SLC47A2: variants seen among roughly 807,000 people sequenced by gnomAD.
SLC47A2 encodes the protein multidrug and toxin extrusion protein 2.
SLC47A2 carries 52 observed loss-of-function variants against 67.7 expected under a neutral mutation model. The ratio of observed to expected loss-of-function variants is 0.77; its 90% CI spans 0.61 to 0.97. SLC47A2 has a LOEUF of 0.97. SLC47A2 is among the 50% of genes least tolerant of loss of function. The probability of loss-of-function intolerance (pLI) is 0.00; values close to 1 mark genes in which losing one functional copy is unlikely to be tolerated. For synonymous variants in SLC47A2, 278 were observed against 292.9 expected (o/e 0.95, Z 0.52); for missense variants, 676 against 712.3 (o/e 0.95, Z 0.58).
intron 13 of SLC47A2, among the ~76,000 whole-genome samples, chr17:19,694,982 A>T (rs970687383): frequency 6.6e-6 from 1 of 152,088 alleles, no homozygotes; most frequent in African/African-American, 2.4e-5. Flanking sequence ...CTTTTTAAAG[A>T]AAACAGAGGA....
chr17:19,707,929 GC>G, intron 7 of SLC47A2, 86 bp from the exon 8 acceptor site: 15 of 1,265,330 alleles, frequency 1.2e-5, no homozygotes, highest in Non-Finnish European at 1.7e-5. Flanking sequence ...CTGGCGGCCA[GC>G]CCGTGTGGGG....
At chr17:19,698,204 A>G (rs1567624177) in intron 13 of SLC47A2, among the ~76,000 whole-genome samples, 1 of 152,324 alleles carries the variant, frequency 6.6e-6, no homozygotes, top group East Asian at 1.9e-4. Flanking sequence ...GAATTACTAT[A>G]AAGCTGCAGT....
chr17:19,685,592 C>T lies in SLC47A2; in HGVS notation c.1165-3922G>A, dbSNP rs2085411446. Among the ~76,000 whole-genome samples, 1 of 152,182 alleles carries T rather than the reference C, an allele frequency of 6.6e-6. No homozygotes were observed. The highest frequency in any genetic ancestry group is 1.5e-5 in the Non-Finnish European group (1 of 68,028). On this transcript the variant is annotated intron_variant, in intron 13 of 16. Coordinates refer to ENST00000433844, the MANE Select transcript of SLC47A2 (RefSeq NM_001099646.3). This position sits in a 1 kb window ranked among gnomAD's most constrained non-coding sequence, Gnocchi z 4.5. ...CAAGATGTGCTTTGTTAAACAGATG[C>T]TTGAAGGCAGCATGCTCATTAAGAG...
chr17:19,714,479 A>G (rs1172833099), intron 3 of SLC47A2: 3 of 583,606 alleles, frequency 5.1e-6, no homozygotes, highest in Non-Finnish European at 9.2e-6. Context: ...TCTGGGGGCA[A>G]GAGATCAGAG....
intron 13 of SLC47A2, among the ~76,000 whole-genome samples, chr17:19,684,416 C>CTT (rs1039908292): frequency 1.3e-5 from 2 of 152,022 alleles, no homozygotes; most frequent in African/African-American, 4.8e-5. Context: ...TTAGATGCAA[C>CTT]TAAGGCAATG....
At chr17:19,716,627 C>G (rs566505112), upstream of SLC47A2, 26 of 1,483,470 alleles carry the variant, frequency 1.8e-5, no homozygotes, top group South Asian at 3.4e-4. Flanking sequence ...CGAGCCACCC[C>G]CTGCCTGGGC....
chr17:19,715,389 G>A (rs989167728), intron 1 of SLC47A2, among the ~76,000 whole-genome samples, 172 bp from the exon 2 acceptor site: 2 of 152,124 alleles, frequency 1.3e-5, no homozygotes, highest in African/African-American at 2.4e-5. Context: ...CCCATTCTGC[G>A]TTCTGCAGCT....
chr17:19,704,044 GC>G, intron 11 of SLC47A2, 25 bp downstream of exon 11: 5 of 1,562,736 alleles, frequency 3.2e-6, no homozygotes, highest in Non-Finnish European at 4.3e-6. Flanking sequence ...ACGTTTGAAG[GC>G]CCACCAGGAG....
At chr17:19,692,227 CAA>C (rs11313767) in intron 13 of SLC47A2, 23,473 of 353,370 alleles carry the variant, frequency 0.066, 1 homozygote, top group East Asian at 0.11. Context: ...GACTCCATGT[CAA>C]AAAAAAAAAA....
At chr17:19,708,508 C>A in intron 6 of SLC47A2, 109 bp from the exon 7 acceptor site, 1 of 1,613,928 alleles carries the variant, frequency 6.2e-7, no homozygotes, top group Non-Finnish European at 8.5e-7. Context: ...TCAGCCATCC[C>A]TGTTGAGGAG....
At chr17:19,702,789 G>T in intron 12 of SLC47A2, 115 bp from the exon 13 acceptor site, 2 of 1,195,796 alleles carry the variant, frequency 1.7e-6, no homozygotes, top group Non-Finnish European at 2.4e-6. Context: ...AGAGGTAGTT[G>T]CCCCACACAA....
At chr17:19,697,837 C>T (rs915241276) in intron 13 of SLC47A2, among the ~76,000 whole-genome samples, 1 of 151,948 alleles carries the variant, frequency 6.6e-6, no homozygotes, top group Non-Finnish European at 1.5e-5. Flanking sequence ...TCAAGCCAAC[C>T]TCTTTCTTTA....
chr17:19,704,077 G>A lies in SLC47A2; in HGVS notation c.1011C>T (p.Leu337=), dbSNP rs1321490257. 1.2e-6 allele frequency: 2 copies of A among 1,607,822 alleles called. No individual in the cohort carries two copies. Among genetic ancestry groups the A allele is most frequent in the Non-Finnish European group, 1.7e-6 (2 of 1,178,828 alleles). ...GGAGAGGACTCCACCTACCTATGCT[G>A]AGCACGCCCGAGACGGCCGAGCGCT... The part of the protein sequence containing the change: ...QAKRSAVSGV[L]SIVGISLVLG... The change falls in exon 11 of 17, where the codon CTC becomes CTT. Residue 337 remains leucine (L), a synonymous_variant. Transcript: ENST00000433844.
intron 16 of SLC47A2, among the ~76,000 whole-genome samples, chr17:19,679,652 T>G (rs1404676506): frequency 7.9e-5 from 12 of 151,976 alleles, no homozygotes; most frequent in Admixed American, 4.6e-4. Context: ...TTACAAGTTG[T>G]GGGATGAGGG....
intron 12 of SLC47A2, 26 bp downstream of exon 12, chr17:19,703,066 G>A: frequency 6.2e-7 from 1 of 1,606,514 alleles, no homozygotes; most frequent in Non-Finnish European, 8.5e-7. Flanking sequence ...TTTTCCAAGA[G>A]TCAGCACAGA....
chr17:19,702,546 G>A (rs188461867), intron 13 of SLC47A2, 59 bp downstream of exon 13: 26 of 1,603,804 alleles, frequency 1.6e-5, no homozygotes, highest in Admixed American at 3.4e-5. Flanking sequence ...TCCTGGGGAG[G>A]GCACAAGTAC....
Position 19,694,839 on chromosome 17 carries a change from C to T in SLC47A2, c.1164+7766G>A, listed in dbSNP as rs558962227. On this transcript the variant is annotated intron_variant, in intron 13 of 16. Transcript: ENST00000433844. ...GCTGAGGCAGAAGAATCGCTTGAAC[C>T]CGGGAGGCAGAGGTTGCAGTGAGCC... Among the ~76,000 whole-genome samples the T allele has an allele frequency of 1.0e-4, 15 of 149,726 alleles. 1 individual carries two copies. In the South Asian group the frequency reaches 3.1e-3, roughly 31 times the overall value.
intron 9 of SLC47A2, among the ~76,000 whole-genome samples, chr17:19,705,947 C>T (rs1269396650): frequency 6.6e-6 from 1 of 152,228 alleles, no homozygotes; most frequent in East Asian, 1.9e-4. Flanking sequence ...GACATTCCTG[C>T]CTGGCCTTCA....
At chr17:19,704,851 A>T (rs144742705) in intron 10 of SLC47A2, among the ~76,000 whole-genome samples, 2,174 of 132,090 alleles carry the variant, frequency 0.016, 50 homozygotes, top group African/African-American at 0.059. Context: ...TTTGAGACAG[A>T]GTCTTACTCT....
Sources: gnomAD v4.1 joint callset for allele counts (sites outside exome capture counted in the v4.1 genomes callset) on GRCh38, gnomAD v4.1.1 for gene constraint, Gnocchi (gnomAD v3.1) non-coding constraint, MANE v1.5 for transcripts, NCBI Gene and HGNC (gene_info 2026-07-23, HGNC 2026-07-21) for gene names.